Variants in LRMDA observed in about 807,000 individuals in gnomAD.
The protein encoded by LRMDA is leucine rich melanocyte differentiation associated, also known as leucine-rich melanocyte differentiation-associated protein.
LRMDA carries 18 observed loss-of-function variants against 29.8 expected under a neutral mutation model. The ratio of observed to expected loss-of-function variants is 0.60; its 90% confidence interval spans 0.42 to 0.90. The LOEUF (loss-of-function observed/expected upper bound fraction) is 0.90, where lower values mean the gene tolerates loss of function less well. Ranked by LOEUF, LRMDA falls within the 40% of genes least tolerant of loss-of-function variation. LRMDA has a pLI of 0.00. For missense variants in LRMDA, 273 were observed against 273.9 expected, an observed-to-expected ratio of 1.00 and a Z score of 0.02; for synonymous variants, 125 against 109.4, an observed-to-expected ratio of 1.14 and a Z score of -0.89.
At chr10:75,813,440 G>T (rs1390007075) in intron 2 of LRMDA, among the ~76,000 whole-genome samples, 1 of 152,172 alleles carries the variant, frequency 6.6e-6, no homozygotes. Context: ...ATTTTATAAA[G>T]CTCCCCAGCT....
chr10:76,185,859 C>T lies in LRMDA; in HGVS notation c.516+127076C>T, dbSNP rs773964419. On this transcript the variant is annotated intron_variant, in intron 5 of 6. Transcript: ENST00000611255. ...TGTTGCTGTTCGACTGCCAGAAACT[C>T]GGGATCTCTATGAGTTTCACTGATA... 1.9e-4 allele frequency among the ~76,000 whole-genome samples: 29 copies of T among 152,136 alleles called. 1 individual carries two copies. The highest frequency in any genetic ancestry group is 6.2e-4 in the South Asian group (3 of 4,822).
chr10:76,271,685 C>T (rs755233661), intron 5 of LRMDA, among the ~76,000 whole-genome samples: 2 of 152,166 alleles, frequency 1.3e-5, no homozygotes, highest in East Asian at 3.9e-4. Context: ...GATATATACA[C>T]GATTATGTGG....
chr10:76,103,137 A>G (rs377681027), intron 5 of LRMDA, among the ~76,000 whole-genome samples: 1 of 152,342 alleles, frequency 6.6e-6, no homozygotes, highest in East Asian at 1.9e-4. Flanking sequence ...TTGAAGTAAG[A>G]CAGGCAAGGA....
At chr10:76,058,924 TG>T (rs1848660529) in intron 5 of LRMDA, 141 bp downstream of exon 5, 1 of 684,006 alleles carries the variant, frequency 1.5e-6, no homozygotes, top group Admixed American at 2.3e-5. Flanking sequence ...GATACATTGT[TG>T]GCCAAACATG....
At chr10:75,743,118 G>C (rs1253191618) in intron 2 of LRMDA, among the ~76,000 whole-genome samples, 2 of 152,092 alleles carry the variant, frequency 1.3e-5, no homozygotes, top group Non-Finnish European at 2.9e-5. Flanking sequence ...AAGGGAGCGA[G>C]GGAGCTGGGA....
At chr10:75,775,126 A>C (rs1194939826) in intron 2 of LRMDA, among the ~76,000 whole-genome samples, 1 of 152,240 alleles carries the variant, frequency 6.6e-6, no homozygotes, top group Non-Finnish European at 1.5e-5. Flanking sequence ...AGAGGGGCCT[A>C]TCAAGAAGGT....
chr10:75,438,429 A>G lies in LRMDA; in HGVS notation c.66A>G (p.Pro22=), dbSNP rs1844287296. The G allele has an allele frequency of 2.6e-6, 4 of 1,551,068 alleles. No individual in the cohort carries two copies. Among genetic ancestry groups the G allele is most frequent in the Non-Finnish European group, 3.5e-6 (4 of 1,147,086 alleles). Residue 22 remains proline (P), a synonymous_variant, in exon 2 of 7, where the codon CCA becomes CCG. Coordinates refer to ENST00000611255, the MANE Select transcript of LRMDA (RefSeq NM_001305581.2). ...TAGGCCAGGACTGCAGAGAAATTCC[A>G]GAGCACCTTGGCAGGGACTGTGGAC... ...SYIGQDCREI[P]EHLGRDCGHF...
intron 5 of LRMDA, among the ~76,000 whole-genome samples, chr10:76,083,833 CAA>C (rs71024585): frequency 2.6e-4 from 30 of 116,944 alleles, no homozygotes; most frequent in African/African-American, 1.9e-4. Flanking sequence ...GACTGCATCT[CAA>C]AAAAAAAAAA....
At chr10:76,273,347 T>A (rs1328505998) in intron 5 of LRMDA, among the ~76,000 whole-genome samples, 1 of 152,202 alleles carries the variant, frequency 6.6e-6, no homozygotes, top group Non-Finnish European at 1.5e-5. Flanking sequence ...TGACAACCAA[T>A]GACTTTAAAG....
In LRMDA at chr10:75,431,774, G is replaced by T; in HGVS notation, c.30+20G>T. 1 of 1,358,504 alleles carries T rather than the reference G, an allele frequency of 7.4e-7. No individual in the cohort carries two copies. Among genetic ancestry groups the T allele is most frequent in the South Asian group, 1.9e-5 (1 of 53,420 alleles). The allele number at this position is 1,358,504 out of a possible 1,614,324, so 84.2% of individuals were successfully genotyped here. A position where few individuals can be genotyped will look rare whatever the true frequency, so the allele number is the denominator to read the frequency against. ...ACTCAAGTAAGTCCCGGCCAGCCCCGCCTCCGCCCGGGGCGCAGTCCGCGT... is the reference window on the plus strand; with the variant it reads ...ACTCAAGTAAGTCCCGGCCAGCCCCTCCTCCGCCCGGGGCGCAGTCCGCGT... On this transcript the variant is annotated intron_variant, in intron 1 of 6. Coordinates refer to ENST00000611255, the MANE Select transcript of LRMDA (RefSeq NM_001305581.2).
At chr10:76,225,738 TTATTA>T (rs1403385053) in intron 5 of LRMDA, among the ~76,000 whole-genome samples, 2 of 142,780 alleles carry the variant, frequency 1.4e-5, no homozygotes, top group African/African-American at 2.6e-5. Flanking sequence ...ATATATATTT[TTATTA>T]TATTTTAAGT....
At chr10:76,084,803 A>G (rs909235172) in intron 5 of LRMDA, among the ~76,000 whole-genome samples, 2 of 152,206 alleles carry the variant, frequency 1.3e-5, no homozygotes, top group Admixed American at 6.5e-5. Flanking sequence ...CCTATTCACA[A>G]TTAGCCATGT....
chr10:75,989,039 C>T (rs74750284), intron 2 of LRMDA, among the ~76,000 whole-genome samples: 1 of 152,354 alleles, frequency 6.6e-6, no homozygotes, highest in East Asian at 1.9e-4. Context: ...CTCCACGACA[C>T]TCTGCAGCCC....
At chr10:75,829,841 CTTTTTTTTTTT>C (rs34025294) in intron 2 of LRMDA, among the ~76,000 whole-genome samples, 1,159 of 89,486 alleles carry the variant, frequency 0.013, 24 homozygotes, top group African/African-American at 0.045. Flanking sequence ...GAATAGGCCA[CTTTTTTTTTTT>C]TTTTTTTTTT....
At chr10:75,961,114 C>A (rs571833751) in intron 2 of LRMDA, among the ~76,000 whole-genome samples, 1 of 152,246 alleles carries the variant, frequency 6.6e-6, no homozygotes, top group African/African-American at 2.4e-5. Flanking sequence ...TCTCCCATAT[C>A]TTTTCTCTTA....
intron 6 of LRMDA, among the ~76,000 whole-genome samples, chr10:76,514,135 C>A (rs79254439): frequency 0.03 from 4,524 of 152,256 alleles, 156 homozygotes; most frequent in African/African-American, 0.08. Context: ...CAATCCCATA[C>A]TCTCGTCCCT....
chr10:76,134,620 T>C (rs779078136), intron 5 of LRMDA, among the ~76,000 whole-genome samples: 5 of 152,186 alleles, frequency 3.3e-5, no homozygotes, highest in Non-Finnish European at 4.4e-5. Context: ...ATCCCATTTA[T>C]TGATTTTTTT....
chr10:75,634,677 A>G (rs1256266524), intron 2 of LRMDA, among the ~76,000 whole-genome samples: 2 of 152,270 alleles, frequency 1.3e-5, no homozygotes, highest in East Asian at 1.9e-4. Context: ...GGAGATAAAC[A>G]TATCATTATT....
intron 2 of LRMDA, among the ~76,000 whole-genome samples, chr10:75,977,373 A>G (rs1203224561): frequency 6.6e-6 from 1 of 152,180 alleles, no homozygotes; most frequent in Admixed American, 6.5e-5. Context: ...TTGACTGAAC[A>G]TGTGCCAGGC....
Sources: allele counts gnomAD v4.1 joint callset (sites outside exome capture counted in the v4.1 genomes callset), GRCh38; gene constraint gnomAD v4.1.1; transcripts MANE v1.5; gene names NCBI Gene and HGNC (gene_info 2026-07-23, HGNC 2026-07-21).